Variants in SDK1 observed in about 807,000 individuals in gnomAD.
SDK1 encodes protein sidekick-1.
SDK1 carries 157 observed loss-of-function variants against 245.5 expected under a neutral mutation model. That is an observed-to-expected ratio of 0.64 (90% CI 0.56 to 0.73). The LOEUF (loss-of-function observed/expected upper bound fraction) is 0.73, where lower values mean the gene tolerates loss of function less well. SDK1 is among the 30% of genes least tolerant of loss of function. The probability of loss-of-function intolerance (pLI) is 0.00; values close to 1 mark genes in which losing one functional copy is unlikely to be tolerated. For missense variants in SDK1, 3,583 were observed against 3,002.3 expected (o/e 1.19, Z -4.52); for synonymous variants, 1,647 against 1,278.5 (o/e 1.29, Z -6.15).
At chr7:4,160,738 G>A (rs1167870987) in intron 31 of SDK1, among the ~76,000 whole-genome samples, 2 of 152,216 alleles carry the variant, frequency 1.3e-5, no homozygotes, top group Non-Finnish European at 2.9e-5. Flanking sequence ...CTGTCAGGAA[G>A]CTGGCTAGAG....
At chr7:3,308,077 T>G (rs1393202256) in intron 1 of SDK1, among the ~76,000 whole-genome samples, 1 of 152,186 alleles carries the variant, frequency 6.6e-6, no homozygotes, top group Non-Finnish European at 1.5e-5. Context: ...CATGATATAT[T>G]TACTCTAGCC....
At chr7:3,769,815 C>T (rs112783477) in intron 4 of SDK1, among the ~76,000 whole-genome samples, 9 of 151,880 alleles carry the variant, frequency 5.9e-5, no homozygotes, top group Admixed American at 1.3e-4. Context: ...TTCTTTGTTG[C>T]GATCTTCCTC....
chr7:3,657,896 A>G (rs1267086393), intron 4 of SDK1, among the ~76,000 whole-genome samples: 1 of 152,222 alleles, frequency 6.6e-6, no homozygotes, highest in Non-Finnish European at 1.5e-5. Flanking sequence ...TCTGTCAGAC[A>G]TAGAGCCGAG....
chr7:3,401,869 T>C (rs1206105550), intron 1 of SDK1, among the ~76,000 whole-genome samples: 1 of 152,174 alleles, frequency 6.6e-6, no homozygotes, highest in Non-Finnish European at 1.5e-5. Flanking sequence ...ATGTTATCAC[T>C]ATTTAACTAT....
chr7:4,238,552 G>C (rs1359741375), intron 42 of SDK1, among the ~76,000 whole-genome samples: 1 of 146,436 alleles, frequency 6.8e-6, no homozygotes, highest in Non-Finnish European at 1.5e-5. Flanking sequence ...AACAAAGCGA[G>C]ATCCTGTCTC....
chr7:4,148,392 G>T (rs1415851305), intron 29 of SDK1, among the ~76,000 whole-genome samples: 6 of 152,232 alleles, frequency 3.9e-5, no homozygotes. Context: ...CACAGCGGCG[G>T]CAGATGATGG....
At chr7:3,701,918 C>T (rs1180363608) in intron 4 of SDK1, among the ~76,000 whole-genome samples, 2 of 72,356 alleles carry the variant, frequency 2.8e-5, no homozygotes, top group East Asian at 7.9e-4. Flanking sequence ...GTTGGACGTG[C>T]ATAAGCAAAA....
At chr7:3,619,309 A>C in intron 2 of SDK1, 70 bp downstream of exon 2, 1 of 1,302,926 alleles carries the variant, frequency 7.7e-7, no homozygotes, top group Non-Finnish European at 1.1e-6. Flanking sequence ...CTTACTGGTC[A>C]TAATAGCACA....
At chr7:3,552,102 A>G (rs1337397929) in intron 1 of SDK1, among the ~76,000 whole-genome samples, 1 of 151,208 alleles carries the variant, frequency 6.6e-6, no homozygotes, top group Non-Finnish European at 1.5e-5. Context: ...GCGGTGGCGC[A>G]ATCTTGGCTC....
chr7:3,765,734 T>C (rs949294565), intron 4 of SDK1, among the ~76,000 whole-genome samples: 4 of 152,220 alleles, frequency 2.6e-5, no homozygotes, highest in Admixed American at 6.5e-5. Flanking sequence ...TTGCCTTCTT[T>C]GGTTTCTCCT....
chr7:3,822,384 A>C (rs1360368244), intron 5 of SDK1, among the ~76,000 whole-genome samples: 1 of 152,232 alleles, frequency 6.6e-6, no homozygotes, highest in Non-Finnish European at 1.5e-5. Flanking sequence ...ATCATATCAT[A>C]TGAGTGAATT....
intron 1 of SDK1, among the ~76,000 whole-genome samples, chr7:3,325,922 C>T (rs1159447525): frequency 1.3e-5 from 2 of 152,072 alleles, no homozygotes; most frequent in African/African-American, 4.8e-5. Flanking sequence ...TTTGAGAGGC[C>T]TAGGAAAGAA....
At chr7:3,979,267 G>A (rs1783209516) in intron 13 of SDK1, among the ~76,000 whole-genome samples, 1 of 152,234 alleles carries the variant, frequency 6.6e-6, no homozygotes, top group Non-Finnish European at 1.5e-5. Flanking sequence ...GTGGAAGCCA[G>A]TTGGGGAGGG....
chr7:4,265,042 C>G (rs1788370154), intron 44 of SDK1, 82 bp from the exon 45 acceptor site: 1 of 1,538,664 alleles, frequency 6.5e-7, no homozygotes, highest in Non-Finnish European at 8.7e-7. Context: ...GGGAGGTGCC[C>G]CCACCGCCAG....
intron 17 of SDK1, among the ~76,000 whole-genome samples, chr7:4,037,830 G>C (rs998029899): frequency 1.3e-5 from 2 of 152,068 alleles, no homozygotes; most frequent in African/African-American, 4.8e-5. Context: ...TTGATTCCCA[G>C]GCTCTTCAGA....
chr7:3,982,849 AAAAAG>A, intron 13 of SDK1, among the ~76,000 whole-genome samples: 1 of 152,176 alleles, frequency 6.6e-6, no homozygotes, highest in Non-Finnish European at 1.5e-5. Context: ...CAAAAAAAAA[AAAAAG>A]AATGTTTGTG....
At chr7:3,786,078 TAG>T (rs768732703) in intron 4 of SDK1, among the ~76,000 whole-genome samples, 5 of 152,152 alleles carry the variant, frequency 3.3e-5, no homozygotes, top group African/African-American at 9.6e-5. Flanking sequence ...TGCAGTGAAA[TAG>T]AGAGAGCGAA....
At chr7:4,076,152 G>T (rs940692327) in intron 20 of SDK1, among the ~76,000 whole-genome samples, 1 of 152,240 alleles carries the variant, frequency 6.6e-6, no homozygotes, top group Non-Finnish European at 1.5e-5. Context: ...ATTGCAAAAT[G>T]TAAGAGTAAT....
At chr7:3,591,257 G>A (rs539967284) in intron 1 of SDK1, among the ~76,000 whole-genome samples, 74 of 152,218 alleles carry the variant, frequency 4.9e-4, no homozygotes, top group Middle Eastern at 3.4e-3. Context: ...TCCTTTTGCA[G>A]TGTCATAATA....
Sources: allele counts gnomAD v4.1 joint callset (sites outside exome capture counted in the v4.1 genomes callset), GRCh38; gene constraint gnomAD v4.1.1; transcripts MANE v1.5; gene names NCBI Gene and HGNC (gene_info 2026-07-23, HGNC 2026-07-21).